The following RTTN variants were observed in gnomAD, a reference collection of about 807,000 sequenced individuals.
The protein encoded by RTTN is rotatin.
Under a neutral mutation model 269.2 loss-of-function variants are expected in RTTN, and 182 were observed. That is an observed-to-expected ratio of 0.68 (90% confidence interval 0.60 to 0.76). RTTN has a LOEUF of 0.76. Among genes scored for constraint, RTTN ranks in the 30% least tolerant of loss-of-function variants. The pLI is 0.00. For synonymous variants in RTTN, 1,006 were observed against 963.5 expected (o/e 1.04, Z -0.82); for missense variants, 2,545 against 2,608.6 (o/e 0.98, Z 0.53).
chr18:70,145,576 T>G, intron 18 of RTTN, 36 bp downstream of exon 18: 1 of 1,463,494 alleles, frequency 6.8e-7, no homozygotes, highest in Non-Finnish European at 9.3e-7. Context: ...ATGTATCAAA[T>G]TACCACACAG....
intron 46 of RTTN, among the ~76,000 whole-genome samples, chr18:70,014,386 T>G (rs966356633): frequency 1.3e-4 from 20 of 152,238 alleles, no homozygotes; most frequent in Non-Finnish European, 1.0e-4. Context: ...TCTGGGCAGA[T>G]AAGCTGGTAT....
intron 26 of RTTN, among the ~76,000 whole-genome samples, chr18:70,120,999 C>T (rs144104376): frequency 0.016 from 2,471 of 151,804 alleles, 65 homozygotes; most frequent in African/African-American, 0.057. Flanking sequence ...TGCAGTGAGC[C>T]AAGATCGCAC....
intron 32 of RTTN, among the ~76,000 whole-genome samples, chr18:70,078,072 TA>T (rs2058473606): frequency 6.6e-6 from 1 of 151,744 alleles, no homozygotes; most frequent in South Asian, 2.1e-4. Context: ...ATCTTCAAAT[TA>T]AGGAGCTTAA....
chr18:70,196,728 T>C (rs1318164587), intron 6 of RTTN, 80 bp from the exon 7 acceptor site: 2 of 1,349,512 alleles, frequency 1.5e-6, no homozygotes, highest in African/African-American at 1.5e-5. Flanking sequence ...CTTAAGTAAG[T>C]AAGCCTAAGT....
chr18:70,077,076 TAAGAC>T (rs763950132), intron 32 of RTTN, among the ~76,000 whole-genome samples: 3 of 151,814 alleles, frequency 2.0e-5, no homozygotes, highest in East Asian at 1.9e-4. Flanking sequence ...AATTAACAAA[TAAGAC>T]AAGAATTGTA....
At chr18:70,054,030 G>A (rs2057746148) in intron 38 of RTTN, 101 bp downstream of exon 38, 1 of 1,020,538 alleles carries the variant, frequency 9.8e-7, no homozygotes, top group South Asian at 1.8e-5. Flanking sequence ...CTAGCAAAAA[G>A]AAACTCAAAA....
chr18:70,153,535 A>T (rs370253725), intron 14 of RTTN, among the ~76,000 whole-genome samples: 45 of 152,218 alleles, frequency 3.0e-4, no homozygotes, highest in African/African-American at 1.0e-3. Context: ...TTTAAAAGCT[A>T]TTTTACCTCT....
intron 11 of RTTN, among the ~76,000 whole-genome samples, chr18:70,171,813 G>A (rs978662893): frequency 6.6e-6 from 1 of 152,174 alleles, no homozygotes; most frequent in Non-Finnish European, 1.5e-5. Flanking sequence ...CCGGCTCTCA[G>A]GCCCTACCCT....
intron 40 of RTTN, among the ~76,000 whole-genome samples, chr18:70,033,387 C>T (rs1583439): frequency 0.91 from 139,257 of 152,260 alleles, 64,615 homozygotes; most frequent in East Asian, 1. Context: ...TCTCAGACCA[C>T]AGCACAATAA....
chr18:70,076,627 C>T (rs1438023016), intron 32 of RTTN, among the ~76,000 whole-genome samples: 1 of 152,010 alleles, frequency 6.6e-6, no homozygotes, highest in African/African-American at 2.4e-5. Flanking sequence ...GAAGTTGTTA[C>T]TGCTGTGTTG....
chr18:70,125,590 A>G (rs1293485940), intron 25 of RTTN, among the ~76,000 whole-genome samples: 1 of 152,078 alleles, frequency 6.6e-6, no homozygotes, highest in Non-Finnish European at 1.5e-5. Context: ...AGGTATGAAC[A>G]TGCTTCTCTA....
At chr18:70,088,245 AT>A in intron 30 of RTTN, 98 bp from the exon 31 acceptor site, 1 of 1,139,362 alleles carries the variant, frequency 8.8e-7, no homozygotes, top group Admixed American at 2.7e-5. Context: ...CTTTAAAAAA[AT>A]CCATTGGTTT....
intron 11 of RTTN, among the ~76,000 whole-genome samples, chr18:70,169,848 A>T (rs2145930540): frequency 6.6e-6 from 1 of 152,280 alleles, no homozygotes; most frequent in South Asian, 2.1e-4. Flanking sequence ...TCTTGACAAG[A>T]CTCACTATTA....
intron 11 of RTTN, among the ~76,000 whole-genome samples, chr18:70,170,458 G>A (rs1010377049): frequency 2.0e-5 from 3 of 152,256 alleles, no homozygotes; most frequent in African/African-American, 7.2e-5. Context: ...CAAAGTAGTA[G>A]AGGAAGGCCT....
chr18:70,109,943 G>C (rs1356172633), intron 27 of RTTN, among the ~76,000 whole-genome samples: 1 of 152,166 alleles, frequency 6.6e-6, no homozygotes, highest in African/African-American at 2.4e-5. Context: ...ACTGGGCCAG[G>C]GGCTGTGGCT....
chr18:70,060,957 A>C (rs1474958232), intron 35 of RTTN, among the ~76,000 whole-genome samples: 2 of 146,996 alleles, frequency 1.4e-5, no homozygotes, highest in East Asian at 3.9e-4. Context: ...GTAATATTTC[A>C]TTGTGTACAT....
At chr18:70,145,501 T>A in intron 18 of RTTN, 111 bp downstream of exon 18, 1 of 758,634 alleles carries the variant, frequency 1.3e-6, no homozygotes, top group Non-Finnish European at 2.0e-6. Flanking sequence ...TGAATCCCCA[T>A]ACTTCTCTCC....
chr18:70,137,057 T>G (rs56804773), intron 21 of RTTN, among the ~76,000 whole-genome samples: 11,663 of 152,142 alleles, frequency 0.077, 834 homozygotes, highest in African/African-American at 0.19. Context: ...GAAAAATATA[T>G]TCCTAATGAT....
chr18:70,105,864 T>C (rs1469220658), intron 28 of RTTN, among the ~76,000 whole-genome samples: 1 of 152,080 alleles, frequency 6.6e-6, no homozygotes, highest in Non-Finnish European at 1.5e-5. Context: ...TCCAAAATGT[T>C]TTTCAAACTG....
Sources: gnomAD v4.1 joint callset for allele counts (sites outside exome capture counted in the v4.1 genomes callset) on GRCh38, gnomAD v4.1.1 for gene constraint, MANE v1.5 for transcripts, NCBI Gene and HGNC (gene_info 2026-07-23, HGNC 2026-07-21) for gene names.